IQCK: variants seen among roughly 807,000 people sequenced by gnomAD.
IQCK encodes IQ motif containing K, also known as IQ domain-containing protein K.
A neutral mutation model predicts 28.1 loss-of-function variants in IQCK; 29 were observed. The ratio of observed to expected loss-of-function variants is 1.03; its 90% CI spans 0.77 to 1.41. IQCK has a LOEUF of 1.41. Ranked by LOEUF, IQCK falls within the 40% of genes most tolerant of loss-of-function variation. The probability of loss-of-function intolerance (pLI) is 0.00; values close to 1 mark genes in which losing one functional copy is unlikely to be tolerated. For missense variants in IQCK, 359 were observed against 314.7 expected, an observed-to-expected ratio of 1.14 and a Z score of -1.07; for synonymous variants, 113 against 115.1, an observed-to-expected ratio of 0.98 and a Z score of 0.12.
chr16:19,822,095 A>C (rs1441572285), intron 7 of IQCK, among the ~76,000 whole-genome samples: 48 of 148,312 alleles, frequency 3.2e-4, no homozygotes, highest in Non-Finnish European at 5.2e-4. Flanking sequence ...AAAAAAAAAA[A>C]CAAAAAAAAA....
At chr16:19,775,094 G>A (rs1245876923) in intron 6 of IQCK, among the ~76,000 whole-genome samples, 1 of 151,996 alleles carries the variant, frequency 6.6e-6, no homozygotes, top group Non-Finnish European at 1.5e-5. Flanking sequence ...AGGCGTGGTG[G>A]TGTGTGCCTG....
chr16:19,829,883 C>A (rs1007782536), downstream of IQCK, among the ~76,000 whole-genome samples: 2 of 152,212 alleles, frequency 1.3e-5, no homozygotes, highest in African/African-American at 4.8e-5. Flanking sequence ...GTCTTCCCCA[C>A]TAGCATGTAA....
At chr16:19,791,731 CTG>C (rs1309348005) in intron 7 of IQCK, among the ~76,000 whole-genome samples, 1 of 140,356 alleles carries the variant, frequency 7.1e-6, no homozygotes, top group Non-Finnish European at 1.5e-5. Context: ...CGAAATTTAA[CTG>C]TGGCTATAGC....
rs1176699081 is a variant in IQCK at position 19,765,676 on chromosome 16, G to GT, written c.605+1573dup. 2.5e-4 allele frequency among the ~76,000 whole-genome samples: 38 copies of GT among 151,608 alleles called. No homozygotes were observed. The South Asian group carries it at 5.2e-3, about 21-fold the overall frequency. On this transcript the variant is annotated intron_variant, in intron 6 of 7. Transcript: ENST00000564186. Reference sequence around the variant, plus strand: ...TTTTAAAAACCCCAGATATTAACCAGTTTTTTTTTAAATCTAAGATTACAC... The same window carrying GT: ...TTTTAAAAACCCCAGATATTAACCAGTTTTTTTTTTAAATCTAAGATTACAC...
chr16:19,817,929 G>T (rs1237118772), intron 7 of IQCK, among the ~76,000 whole-genome samples: 1 of 152,186 alleles, frequency 6.6e-6, no homozygotes, highest in African/African-American at 2.4e-5. Context: ...TAGTCAAGTT[G>T]CTGATTATAA....
At chr16:19,721,354 C>T (rs988253111) in intron 1 of IQCK, among the ~76,000 whole-genome samples, 1 of 152,188 alleles carries the variant, frequency 6.6e-6, no homozygotes, top group Non-Finnish European at 1.5e-5. Flanking sequence ...CTGACTAGTG[C>T]TCTTTTGTAT....
At chr16:19,808,561 A>G (rs1478736086) in intron 7 of IQCK, among the ~76,000 whole-genome samples, 3 of 152,226 alleles carry the variant, frequency 2.0e-5, no homozygotes, top group African/African-American at 7.2e-5. Flanking sequence ...TGAGGCTGAT[A>G]ATAATAAGGA....
chr16:19,844,618 C>T (rs180849228), intron 9 of IQCK, among the ~76,000 whole-genome samples: 3 of 152,254 alleles, frequency 2.0e-5, no homozygotes, highest in East Asian at 1.9e-4. Flanking sequence ...TATTTCTCAT[C>T]GTAGTAAGTG....
chr16:19,773,294 G>A (rs1034487672), intron 6 of IQCK, among the ~76,000 whole-genome samples: 4 of 152,144 alleles, frequency 2.6e-5, no homozygotes, highest in Non-Finnish European at 5.9e-5. Context: ...TGCTGAGAAG[G>A]TCTTGGTCAC....
chr16:19,856,334 C>T (rs998330072), intron 9 of IQCK, among the ~76,000 whole-genome samples, 153 bp from the exon 9 acceptor site: 5 of 152,220 alleles, frequency 3.3e-5, no homozygotes, highest in Admixed American at 1.3e-4. Flanking sequence ...TGTTCTTCCC[C>T]GTGGATCCAT....
intron 4 of IQCK, among the ~76,000 whole-genome samples, chr16:19,736,663 C>T (rs900539702): frequency 6.6e-6 from 1 of 152,160 alleles, no homozygotes; most frequent in Non-Finnish European, 1.5e-5. Context: ...ACCAGGCACT[C>T]GCTCTGTGCC....
At chr16:19,779,127 C>T (rs998064228) in intron 6 of IQCK, among the ~76,000 whole-genome samples, 4 of 152,148 alleles carry the variant, frequency 2.6e-5, no homozygotes, top group African/African-American at 4.8e-5. Flanking sequence ...GGATTACAGA[C>T]GTGAGCCACC....
chr16:19,726,180 C>G (rs1179044106), intron 1 of IQCK, among the ~76,000 whole-genome samples: 1 of 147,904 alleles, frequency 6.8e-6, no homozygotes, highest in African/African-American at 2.7e-5. Context: ...TCCCAAAGTG[C>G]TGGGATTACA....
At chr16:19,734,117 G>A (rs1956056369) in intron 3 of IQCK, 2 of 264,584 alleles carry the variant, frequency 7.6e-6, no homozygotes, top group Middle Eastern at 1.3e-3. Context: ...GCTCATGCCT[G>A]TAATATCAGC....
chr16:19,720,739 A>G (rs1052665195), intron 1 of IQCK, among the ~76,000 whole-genome samples: 1 of 152,170 alleles, frequency 6.6e-6, no homozygotes, highest in African/African-American at 2.4e-5. Context: ...GAATGAGGTC[A>G]GGCATGGTGG....
intron 7 of IQCK, among the ~76,000 whole-genome samples, chr16:19,816,314 C>A (rs1213823782): frequency 6.6e-6 from 1 of 152,194 alleles, no homozygotes; most frequent in Non-Finnish European, 1.5e-5. Flanking sequence ...CGGAGTCTTA[C>A]TCTGTCACCC....
intron 6 of IQCK, among the ~76,000 whole-genome samples, chr16:19,768,015 C>CTT (rs755206514): frequency 1.5e-5 from 2 of 131,738 alleles, no homozygotes; most frequent in Non-Finnish European, 3.3e-5. Context: ...TTTTTTTTTG[C>CTT]TTTTTTTTTT....
At chr16:19,840,870 A>G (rs893579675) in intron 9 of IQCK, among the ~76,000 whole-genome samples, 4 of 152,226 alleles carry the variant, frequency 2.6e-5, no homozygotes, top group African/African-American at 9.6e-5. Context: ...TGCAAAGTCC[A>G]TTAGGACTTC....
At chr16:19,737,190 G>A (rs1001766400) in intron 4 of IQCK, among the ~76,000 whole-genome samples, 2 of 151,868 alleles carry the variant, frequency 1.3e-5, no homozygotes, top group East Asian at 1.9e-4. Context: ...TAAAAAAGTC[G>A]GCAGTAATTA....
Sources: gnomAD v4.1 joint callset for allele counts (sites outside exome capture counted in the v4.1 genomes callset) on GRCh38, gnomAD v4.1.1 for gene constraint, MANE v1.5 for transcripts, NCBI Gene and HGNC (gene_info 2026-07-23, HGNC 2026-07-21) for gene names.